The following DOCK11 variants were observed in gnomAD, a reference collection of about 807,000 sequenced individuals.
The protein encoded by DOCK11 is dedicator of cytokinesis 11.
In DOCK11, 70 loss-of-function variants were observed where a neutral mutation model predicts 169.1. The observed-to-expected ratio is 0.41, with a 90% confidence interval of 0.34 to 0.51. The LOEUF (loss-of-function observed/expected upper bound fraction) is 0.51. DOCK11 is among the 20% of genes least tolerant of loss of function. The pLI, the probability that DOCK11 is intolerant of heterozygous loss-of-function variation, is 0.10. For missense variants in DOCK11, 1,166 were observed against 1,538.8 expected (o/e 0.76, Z 4.05); for synonymous variants, 529 against 541.3 (o/e 0.98, Z 0.32).
At chrX:118,584,705 T>A (rs200231908) in intron 14 of DOCK11, 30 bp from the exon 15 acceptor site, 91,254 of 1,089,169 alleles carry the variant, frequency 0.084, 2,554 homozygotes, top group Admixed American at 0.1. Flanking sequence ...AATTTTTTTT[T>A]TTAAAAAAAT....
Position 118,662,830 on chromosome X carries a change from T to C in DOCK11, c.5076+38T>C, listed in dbSNP as rs776705990. ...GGGCCTGCATTGCCAGTTATATAAATTTCACTTCTTAAAATTCATATATAT... is the reference window on the plus strand; with the variant it reads ...GGGCCTGCATTGCCAGTTATATAAACTTCACTTCTTAAAATTCATATATAT... On this transcript the variant is annotated intron_variant, in intron 45 of 52. Coordinates refer to ENST00000276202, the MANE Select transcript of DOCK11 (RefSeq NM_144658.4). 8 of 819,834 alleles carry C rather than the reference T, an allele frequency of 9.8e-6. No individual in the cohort carries two copies. In the African/African-American group the frequency reaches 1.7e-4, roughly 17 times the overall value. The allele number at this position is 819,834 out of a possible 1,213,427, so 67.6% of individuals were successfully genotyped here.
At chrX:118,674,216 TCTCAGCTCACCGCAAC>T (rs1376946843) in intron 46 of DOCK11, among the ~76,000 whole-genome samples, 1 of 111,318 alleles carries the variant, frequency 9.0e-6, no homozygotes, top group East Asian at 2.8e-4. Context: ...AATGGCATGA[TCTCAGCTCACCGCAAC>T]CTCCGCCTCC....
intron 4 of DOCK11, among the ~76,000 whole-genome samples, 199 bp from the exon 5 acceptor site, chrX:118,545,124 C>T (rs1190936586): frequency 9.0e-6 from 1 of 111,200 alleles, no homozygotes; most frequent in African/African-American, 3.3e-5. Flanking sequence ...GAAACACAAA[C>T]TTACAGTAAG....
intron 11 of DOCK11, 122 bp from the exon 12 acceptor site, chrX:118,573,684 C>A (rs1241496797): frequency 1.8e-6 from 1 of 548,952 alleles, no homozygotes; most frequent in Non-Finnish European, 3.0e-6. Flanking sequence ...AAGTGTTGAA[C>A]TCAGAAAGGA....
intron 1 of DOCK11, among the ~76,000 whole-genome samples, chrX:118,500,629 A>T (rs1268975061): frequency 9.4e-6 from 1 of 106,523 alleles, no homozygotes; most frequent in Non-Finnish European, 1.9e-5. Flanking sequence ...TTGTTTATGT[A>T]TTTTTTTTTT....
intron 44 of DOCK11, among the ~76,000 whole-genome samples, chrX:118,661,771 A>G (rs2016220872): frequency 8.9e-6 from 1 of 112,052 alleles, no homozygotes; most frequent in Non-Finnish European, 1.9e-5. Flanking sequence ...TCTAGAATCT[A>G]TAGGGGAACC....
intron 6 of DOCK11, among the ~76,000 whole-genome samples, chrX:118,552,742 G>A (rs2012541985): frequency 8.9e-6 from 1 of 112,496 alleles, no homozygotes; most frequent in Non-Finnish European, 1.9e-5. Context: ...ACTGGGTGTG[G>A]TGGCATGTGC....
intron 6 of DOCK11, among the ~76,000 whole-genome samples, chrX:118,547,159 C>T (rs1366634382): frequency 5.4e-5 from 6 of 111,591 alleles, no homozygotes; most frequent in Non-Finnish European, 1.1e-4. Context: ...AAATTATGCT[C>T]TGATACCAAA....
At chrX:118,665,323 A>T (rs1225649156) in intron 45 of DOCK11, among the ~76,000 whole-genome samples, 1 of 112,362 alleles carries the variant, frequency 8.9e-6, no homozygotes, top group Non-Finnish European at 1.9e-5. Flanking sequence ...TTTTGACTGT[A>T]TAGCCTTGGA....
intron 6 of DOCK11, among the ~76,000 whole-genome samples, chrX:118,549,526 A>C (rs2012416658): frequency 9.0e-6 from 1 of 111,458 alleles, no homozygotes; most frequent in Non-Finnish European, 1.9e-5. Flanking sequence ...GGTCATATGA[A>C]GCTACACAAC....
intron 1 of DOCK11, among the ~76,000 whole-genome samples, chrX:118,532,674 G>A (rs2011622267): frequency 9.3e-6 from 1 of 107,998 alleles, no homozygotes; most frequent in African/African-American, 3.4e-5. Context: ...CCAGCTACTC[G>A]GGAGGCTGAG....
chrX:118,654,480 A>G (rs57947509), intron 42 of DOCK11, 122 bp from the exon 43 acceptor site: 83,580 of 577,802 alleles, frequency 0.14, 4,947 homozygotes, highest in Non-Finnish European at 0.17. Context: ...TCAGTGTACT[A>G]TATGCAATAC....
At chrX:118,574,046 C>A (rs377463457) in intron 12 of DOCK11, 28 bp downstream of exon 12, 66 of 1,151,016 alleles carry the variant, frequency 5.7e-5, no homozygotes, top group Non-Finnish European at 7.1e-5. Flanking sequence ...GTCTTAGCAG[C>A]GTATTCAGAA....
chrX:118,643,409 T>A, intron 39 of DOCK11, 48 bp from the exon 40 acceptor site: 2 of 1,148,281 alleles, frequency 1.7e-6, no homozygotes, highest in Non-Finnish European at 2.3e-6. Flanking sequence ...TGAAATCAGT[T>A]CTGTCATTCT....
intron 39 of DOCK11, among the ~76,000 whole-genome samples, chrX:118,642,153 G>A (rs1317001767): frequency 8.9e-6 from 1 of 111,791 alleles, no homozygotes; most frequent in Non-Finnish European, 1.9e-5. Flanking sequence ...ATGTTTCATC[G>A]TGCCAATAAC....
intron 11 of DOCK11, 89 bp from the exon 12 acceptor site, chrX:118,573,717 G>A: frequency 8.8e-6 from 6 of 682,191 alleles, no homozygotes; most frequent in Non-Finnish European, 1.3e-5. Flanking sequence ...GAAACTGGAG[G>A]AATACAAAAC....
At chrX:118,671,936 C>G (rs1447959867) in intron 46 of DOCK11, among the ~76,000 whole-genome samples, 1 of 112,687 alleles carries the variant, frequency 8.9e-6, no homozygotes, top group Non-Finnish European at 1.9e-5. Flanking sequence ...GCCTTAGCTT[C>G]TCAAAGTGTT....
chrX:118,539,617 A>C (rs1193757252), intron 1 of DOCK11, among the ~76,000 whole-genome samples: 1 of 111,941 alleles, frequency 8.9e-6, no homozygotes, highest in Non-Finnish European at 1.9e-5. Context: ...TAAATATTTG[A>C]GGTGATAGAT....
At chrX:118,670,822 A>AT (rs1034502922) in intron 45 of DOCK11, among the ~76,000 whole-genome samples, 1 of 112,356 alleles carries the variant, frequency 8.9e-6, no homozygotes, top group African/African-American at 3.2e-5. Context: ...TCAATTTTAT[A>AT]TTTTTAAGAA....
Sources: gnomAD v4.1 joint callset for allele counts (sites outside exome capture counted in the v4.1 genomes callset) on GRCh38, gnomAD v4.1.1 for gene constraint, MANE v1.5 for transcripts, NCBI Gene and HGNC (gene_info 2026-07-23, HGNC 2026-07-21) for gene names.